The following KLHL32 variants were observed in gnomAD, a reference collection of about 807,000 sequenced individuals.
The protein encoded by KLHL32 is kelch like family member 32.
In KLHL32, 35 loss-of-function variants were observed where a neutral mutation model predicts 64.8. That is an observed-to-expected ratio of 0.54 (90% CI 0.41 to 0.72). The LOEUF is 0.72. Ranked by LOEUF, KLHL32 falls within the 30% of genes least tolerant of loss-of-function variation. KLHL32 has a pLI of 0.00. For missense variants in KLHL32, 589 were observed against 768.5 expected, an observed-to-expected ratio of 0.77 and a Z score of 2.76; for synonymous variants, 259 against 281.0, an observed-to-expected ratio of 0.92 and a Z score of 0.78.
At chr6:96,960,303 A>G (rs1309906439) in intron 1 of KLHL32, among the ~76,000 whole-genome samples, 8 of 152,200 alleles carry the variant, frequency 5.3e-5, no homozygotes, top group Non-Finnish European at 8.8e-5. Context: ...TTACTGAACA[A>G]TTCTCGTTTA....
intron 3 of KLHL32, among the ~76,000 whole-genome samples, chr6:97,012,899 G>T (rs1481321042): frequency 4.6e-5 from 7 of 152,086 alleles, no homozygotes; most frequent in Non-Finnish European, 5.9e-5. Context: ...TTATTGTTTT[G>T]GTTGTGGTTA....
chr6:96,924,041 C>T (rs761692678), upstream of KLHL32, among the ~76,000 whole-genome samples: 15 of 152,028 alleles, frequency 9.9e-5, no homozygotes, highest in African/African-American at 2.9e-4. Context: ...ACAGTAATCA[C>T]ACCCTTTCTC....
intron 3 of KLHL32, among the ~76,000 whole-genome samples, chr6:97,032,244 G>A (rs369151062): frequency 1.2e-4 from 18 of 152,266 alleles, no homozygotes; most frequent in Non-Finnish European, 1.5e-4. Flanking sequence ...AGATACTTAC[G>A]TAAACAGGAT....
intron 1 of KLHL32, among the ~76,000 whole-genome samples, chr6:96,946,181 TA>T (rs1771897300): frequency 8.6e-6 from 1 of 115,738 alleles, no homozygotes; most frequent in South Asian, 3.5e-4. Flanking sequence ...AGGAAAAAAA[TA>T]TTTTAAATAT....
At chr6:97,119,104 C>T (rs963112944) in intron 7 of KLHL32, among the ~76,000 whole-genome samples, 29 of 152,178 alleles carry the variant, frequency 1.9e-4, no homozygotes, top group African/African-American at 6.5e-4. Context: ...GGGAAACATG[C>T]AGTGTTTGAC....
chr6:97,092,523 C>T (rs1794414408), intron 6 of KLHL32, among the ~76,000 whole-genome samples: 1 of 152,134 alleles, frequency 6.6e-6, no homozygotes, highest in African/African-American at 2.4e-5. Context: ...AGGGTATCTC[C>T]ATTTCCTTCT....
rs1426507398 is a variant in KLHL32, at chr6:97,057,425, G to A, written c.313-7203G>A. ...TCTCGATCTCCTGACCTCGTGATCC[G>A]CCCGTCTCGGCCTCCCAAAGTGCTG... is the stretch of plus-strand genomic sequence containing the variant. On this transcript the variant is annotated intron_variant, in intron 4 of 10. Transcript: ENST00000369261. Among the ~76,000 whole-genome samples the A allele has an allele frequency of 4.5e-4, 40 of 89,266 alleles. 11 individuals carry two copies. In the Admixed American group the frequency reaches 5.1e-3, roughly 11 times the overall value. 58.6% of individuals were successfully genotyped at this position (89,266 alleles called of 152,430 possible).
At chr6:97,074,349 G>T (rs911010231) in intron 5 of KLHL32, among the ~76,000 whole-genome samples, 5 of 152,126 alleles carry the variant, frequency 3.3e-5, no homozygotes, top group African/African-American at 1.2e-4. Flanking sequence ...AGATTCTGTT[G>T]CCACACTGCT....
intron 3 of KLHL32, among the ~76,000 whole-genome samples, chr6:96,978,392 G>A (rs1177446619): frequency 6.6e-6 from 1 of 152,144 alleles, no homozygotes; most frequent in African/African-American, 2.4e-5. Flanking sequence ...AGAATATGTG[G>A]TGTTTGGTTT....
chr6:97,061,810 G>T (rs943861877), intron 4 of KLHL32, among the ~76,000 whole-genome samples: 3 of 152,156 alleles, frequency 2.0e-5, no homozygotes, highest in Non-Finnish European at 2.9e-5. Flanking sequence ...ATCATGAGGA[G>T]ACTTGACCTT....
intron 1 of KLHL32, among the ~76,000 whole-genome samples, chr6:96,957,225 C>T (rs1254413489): frequency 6.6e-6 from 1 of 152,118 alleles, no homozygotes; most frequent in Non-Finnish European, 1.5e-5. Flanking sequence ...GAGCATTTCT[C>T]TATTTGAAAA....
intron 7 of KLHL32, among the ~76,000 whole-genome samples, chr6:97,117,811 A>T (rs1797957608): frequency 6.6e-6 from 1 of 152,222 alleles, no homozygotes; most frequent in South Asian, 2.1e-4. Flanking sequence ...GGGAAAATTA[A>T]TCCTGAGCTC....
At chr6:96,909,397 T>G in the KLHL32 span, among the ~76,000 whole-genome samples, 1 of 152,198 alleles carries the variant, frequency 6.6e-6, no homozygotes. Context: ...GTTTTTAGAT[T>G]CAACAATCTT....
At chr6:97,033,152 A>G (rs1385571969) in intron 3 of KLHL32, among the ~76,000 whole-genome samples, 3 of 152,200 alleles carry the variant, frequency 2.0e-5, no homozygotes, top group Non-Finnish European at 2.9e-5. Flanking sequence ...TAGTGTCAAC[A>G]TAACTTTTAT....
At chr6:97,009,042 T>C (rs916103086) in intron 3 of KLHL32, among the ~76,000 whole-genome samples, 6 of 152,076 alleles carry the variant, frequency 3.9e-5, no homozygotes, top group African/African-American at 1.2e-4. Context: ...CAAGTGGCTT[T>C]ATATCATTAA....
the KLHL32 span, among the ~76,000 whole-genome samples, chr6:96,910,654 T>C: frequency 1.3e-5 from 2 of 152,234 alleles, no homozygotes; most frequent in Non-Finnish European, 2.9e-5. Context: ...TTAAAATCAA[T>C]TGTATCTTAA....
At chr6:96,899,466 G>C in the KLHL32 span, among the ~76,000 whole-genome samples, 1 of 152,076 alleles carries the variant, frequency 6.6e-6, no homozygotes, top group African/African-American at 2.4e-5. Context: ...ACCGAACTTC[G>C]GGCAGTATGA....
chr6:97,084,805 T>C (rs1036189512), intron 5 of KLHL32, among the ~76,000 whole-genome samples: 5 of 152,176 alleles, frequency 3.3e-5, no homozygotes, highest in African/African-American at 9.7e-5. Flanking sequence ...GCAATTGCCC[T>C]CATTAGTAAA....
chr6:97,079,099 A>C (rs1203654288), intron 5 of KLHL32, among the ~76,000 whole-genome samples: 1 of 152,212 alleles, frequency 6.6e-6, no homozygotes. Context: ...CTCATTCAAG[A>C]AGGTATAGTA....
Sources: allele counts gnomAD v4.1 joint callset (sites outside exome capture counted in the v4.1 genomes callset), GRCh38; gene constraint gnomAD v4.1.1; transcripts MANE v1.5; gene names NCBI Gene and HGNC (gene_info 2026-07-23, HGNC 2026-07-21).